FRMD4A: variants seen among roughly 807,000 people sequenced by gnomAD.
FRMD4A encodes FERM domain containing 4A.
In FRMD4A, 29 loss-of-function variants were observed where a neutral mutation model predicts 129.1. That is an observed-to-expected ratio of 0.22 (90% CI 0.17 to 0.31). The LOEUF (loss-of-function observed/expected upper bound fraction) is 0.31. Among genes scored for constraint, FRMD4A ranks in the 10% least tolerant of loss-of-function variants. FRMD4A has a pLI of 1.00. For missense variants in FRMD4A, 1,272 were observed against 1,375.8 expected (o/e 0.92, Z 1.19); for synonymous variants, 634 against 571.6 (o/e 1.11, Z -1.56).
chr10:13,674,889 G>A (rs774162197), intron 16 of FRMD4A, 22 bp downstream of exon 16: 3 of 1,612,404 alleles, frequency 1.9e-6, no homozygotes, highest in East Asian at 2.2e-5. Flanking sequence ...AATTTCAACG[G>A]GATGAGCTAG....
At chr10:13,976,349 C>T (rs2095542050) in intron 2 of FRMD4A, among the ~76,000 whole-genome samples, 1 of 152,112 alleles carries the variant, frequency 6.6e-6, no homozygotes, top group African/African-American at 2.4e-5. Flanking sequence ...CCAGGAGTTC[C>T]CCTGCCCAAA....
At chr10:13,757,727 T>A (rs2091921432) in intron 8 of FRMD4A, among the ~76,000 whole-genome samples, 1 of 152,166 alleles carries the variant, frequency 6.6e-6, no homozygotes, top group East Asian at 1.9e-4. Context: ...CATTAAGGTG[T>A]ATCAGCACTT....
chr10:14,039,451 A>C (rs1000269509), intron 2 of FRMD4A, among the ~76,000 whole-genome samples: 1 of 113,694 alleles, frequency 8.8e-6, no homozygotes, highest in African/African-American at 3.2e-5. Context: ...CCCCAAAATC[A>C]ATCAATCTAT....
intron 16 of FRMD4A, among the ~76,000 whole-genome samples, chr10:13,670,825 A>C (rs2083452935): frequency 6.6e-6 from 1 of 152,158 alleles, no homozygotes; most frequent in Non-Finnish European, 1.5e-5. Flanking sequence ...CTTGAATTTC[A>C]TTCATTTGTT....
intron 15 of FRMD4A, among the ~76,000 whole-genome samples, chr10:13,689,549 C>CTTTTTTTTTTTTTTTTTTTTT (rs34800095): frequency 2.1e-4 from 27 of 128,632 alleles, no homozygotes; most frequent in African/African-American, 8.2e-4. Flanking sequence ...TTAGAAGATT[C>CTTTTTTTTTTTTTTTTTTTTT]TTTTTTTTTT....
chr10:14,191,343 T>C (rs534474574), intron 2 of FRMD4A, among the ~76,000 whole-genome samples: 58 of 152,172 alleles, frequency 3.8e-4, no homozygotes, highest in Non-Finnish European at 7.8e-4. Context: ...ACAACAGTCG[T>C]TGAGAGAAAG....
intron 2 of FRMD4A, among the ~76,000 whole-genome samples, chr10:14,089,984 C>G (rs1049249778): frequency 2.7e-4 from 41 of 152,234 alleles, no homozygotes; most frequent in Admixed American, 2.1e-3. Flanking sequence ...CCGATATTCT[C>G]TAGAAGAGAG....
intron 8 of FRMD4A, among the ~76,000 whole-genome samples, chr10:13,750,104 G>GAAAGAAAC (rs1197003000): frequency 9.5e-6 from 1 of 105,746 alleles, no homozygotes; most frequent in African/African-American, 3.7e-5. Context: ...AAGAAAGAAA[G>GAAAGAAAC]AAATGAAGAA....
At chr10:13,846,177 T>C (rs2094042484) in intron 3 of FRMD4A, among the ~76,000 whole-genome samples, 1 of 152,246 alleles carries the variant, frequency 6.6e-6, no homozygotes, top group Non-Finnish European at 1.5e-5. Flanking sequence ...CACTAAGCTA[T>C]ATAATTTCCC....
chr10:14,117,410 G>A (rs760543325), intron 2 of FRMD4A, among the ~76,000 whole-genome samples: 2 of 152,224 alleles, frequency 1.3e-5, no homozygotes, highest in Non-Finnish European at 2.9e-5. Context: ...ATTGGGACCA[G>A]TGCCCTCTAC....
intron 2 of FRMD4A, among the ~76,000 whole-genome samples, chr10:13,921,317 G>A (rs922676428): frequency 1.3e-4 from 10 of 74,354 alleles, no homozygotes; most frequent in African/African-American, 5.3e-4. Context: ...GGCTGGAGTG[G>A]AGTGTGCAAT....
intron 2 of FRMD4A, among the ~76,000 whole-genome samples, chr10:14,078,819 G>T (rs1460033199): frequency 6.6e-6 from 1 of 152,154 alleles, no homozygotes; most frequent in South Asian, 2.1e-4. Flanking sequence ...CCTGCCCTGG[G>T]CTGCCTTGTG....
At chr10:13,800,624 T>C (rs60480668) in intron 4 of FRMD4A, among the ~76,000 whole-genome samples, 4,143 of 152,270 alleles carry the variant, frequency 0.027, 186 homozygotes, top group African/African-American at 0.093. Flanking sequence ...CACTGGCATA[T>C]GAGTGACCAC....
intron 2 of FRMD4A, among the ~76,000 whole-genome samples, chr10:14,215,086 G>A (rs1268222866): frequency 6.6e-6 from 1 of 152,178 alleles, no homozygotes; most frequent in East Asian, 1.9e-4. Flanking sequence ...TTGGACTATT[G>A]ACATGGCATG....
At chr10:13,876,897 C>T (rs2094494215) in intron 2 of FRMD4A, among the ~76,000 whole-genome samples, 2 of 151,978 alleles carry the variant, frequency 1.3e-5, no homozygotes. Flanking sequence ...AATTAATTTG[C>T]ATTCAGTGAA....
intron 24 of FRMD4A, 88 bp downstream of exon 24, chr10:13,651,815 T>C: frequency 1.3e-6 from 1 of 771,524 alleles, no homozygotes; most frequent in Non-Finnish European, 2.4e-6. Context: ...TTCAGATGTA[T>C]CCTTGTGGAA....
chr10:13,965,002 T>C (rs1183077270), intron 2 of FRMD4A, among the ~76,000 whole-genome samples: 2 of 151,966 alleles, frequency 1.3e-5, no homozygotes, highest in Admixed American at 6.6e-5. Context: ...CCTCTTCCTA[T>C]GTTGATTTCC....
intron 2 of FRMD4A, among the ~76,000 whole-genome samples, chr10:13,931,453 T>A (rs984996000): frequency 1.3e-5 from 2 of 152,152 alleles, no homozygotes; most frequent in African/African-American, 4.8e-5. Context: ...TGACCATGGT[T>A]TCTGATGAGT....
Position 14,253,226 on chromosome 10 carries a change from G to A in FRMD4A, c.45+76832C>T, listed in dbSNP as rs144480955. Among the ~76,000 whole-genome samples, 739 of 152,300 alleles carry A rather than the reference G, an allele frequency of 4.9e-3. 8 individuals are homozygous for A. The highest frequency in any genetic ancestry group is 0.017 in the African/African-American group (691 of 41,564). ...GTCAAGGTTAGCACCGCTGAAGACC[G>A]AGAAACTGTGTTTGTATCATTATTA... On this transcript the variant is annotated intron_variant, in intron 2 of 24. Transcript: ENST00000357447.
Sources: gnomAD v4.1 joint callset for allele counts (sites outside exome capture counted in the v4.1 genomes callset) on GRCh38, gnomAD v4.1.1 for gene constraint, MANE v1.5 for transcripts, NCBI Gene and HGNC (gene_info 2026-07-23, HGNC 2026-07-21) for gene names.